ABCA13: variants seen among roughly 807,000 people sequenced by gnomAD.
The protein encoded by ABCA13 is ATP-binding cassette sub-family A member 13.
In ABCA13, 476 loss-of-function variants were observed where a neutral mutation model predicts 478.7. The ratio of observed to expected loss-of-function variants is 0.99; its 90% CI spans 0.92 to 1.07. The LOEUF (loss-of-function observed/expected upper bound fraction) is 1.07, where lower values mean the gene tolerates loss of function less well. ABCA13 is among the 50% of genes least tolerant of loss of function. The probability of loss-of-function intolerance (pLI) is 0.00; values close to 1 mark genes in which losing one functional copy is unlikely to be tolerated. For missense variants in ABCA13, 6,060 were observed against 5,910.6 expected (o/e 1.03, Z -0.83); for synonymous variants, 2,252 against 2,158.9 (o/e 1.04, Z -1.20).
At chr7:48,422,056 A>AG in intron 41 of ABCA13, among the ~76,000 whole-genome samples, 1 of 8,566 alleles carries the variant, frequency 1.2e-4, no homozygotes, top group Non-Finnish European at 2.2e-4. Context: ...TCTTTCTTAC[A>AG]AAAAAAAAAA....
At chr7:48,495,678 CTTTG>C (rs1281480054) in intron 48 of ABCA13, among the ~76,000 whole-genome samples, 1 of 151,962 alleles carries the variant, frequency 6.6e-6, no homozygotes, top group East Asian at 1.9e-4. Flanking sequence ...CAAATTGTGG[CTTTG>C]TTTCTTTTTT....
chr7:48,452,202 T>C (rs1825129888), intron 42 of ABCA13, among the ~76,000 whole-genome samples: 1 of 152,206 alleles, frequency 6.6e-6, no homozygotes, highest in Admixed American at 6.5e-5. Flanking sequence ...CGGGTCAACA[T>C]TACGTTTATT....
chr7:48,505,735 T>G (rs183819283), intron 48 of ABCA13, among the ~76,000 whole-genome samples: 16 of 152,356 alleles, frequency 1.1e-4, no homozygotes, highest in African/African-American at 3.1e-4. Flanking sequence ...GGAAGCACTG[T>G]CCCACTCTGT....
chr7:48,582,614 G>A (rs905770697), intron 56 of ABCA13, among the ~76,000 whole-genome samples: 1 of 152,262 alleles, frequency 6.6e-6, no homozygotes, highest in Non-Finnish European at 1.5e-5. Flanking sequence ...CTTGCGGGGA[G>A]GCTCCTTTGT....
intron 59 of ABCA13, among the ~76,000 whole-genome samples, chr7:48,615,931 C>G (rs965214701): frequency 6.6e-6 from 1 of 152,098 alleles, no homozygotes; most frequent in Non-Finnish European, 1.5e-5. Flanking sequence ...TAATTCTCTT[C>G]ATGTATTTTC....
intron 57 of ABCA13, among the ~76,000 whole-genome samples, chr7:48,588,611 A>G (rs1426621055): frequency 6.6e-6 from 1 of 152,194 alleles, no homozygotes; most frequent in Non-Finnish European, 1.5e-5. Flanking sequence ...TTGGCCTTGT[A>G]TGTTCTATGC....
intron 5 of ABCA13, among the ~76,000 whole-genome samples, chr7:48,224,127 A>C (rs549135450): frequency 6.6e-6 from 1 of 152,218 alleles, no homozygotes; most frequent in African/African-American, 2.4e-5. Context: ...CTGGCTCTCT[A>C]ATTTCTCCCC....
chr7:48,467,249 T>C (rs1826983404), intron 44 of ABCA13, among the ~76,000 whole-genome samples: 1 of 152,212 alleles, frequency 6.6e-6, no homozygotes, highest in South Asian at 2.1e-4. Flanking sequence ...GCTTCATAAT[T>C]ACCCCCTTTC....
intron 41 of ABCA13, among the ~76,000 whole-genome samples, chr7:48,426,557 C>T (rs1193983921): frequency 1.3e-5 from 2 of 152,256 alleles, no homozygotes; most frequent in Middle Eastern, 3.4e-3. Flanking sequence ...ACTTCACTAC[C>T]CAGGGCATTG....
At chr7:48,306,204 C>G (rs1034039549) in intron 23 of ABCA13, among the ~76,000 whole-genome samples, 1 of 152,194 alleles carries the variant, frequency 6.6e-6, no homozygotes, top group African/African-American at 2.4e-5. Context: ...TTCCACATGA[C>G]AGGGTGTGGG....
Position 48,372,169 on chromosome 7 carries a change from A to T in ABCA13, c.10805A>T (p.Tyr3602Phe). The T allele has an allele frequency of 6.2e-7, 1 of 1,611,012 alleles. No individual in the cohort carries two copies. Among genetic ancestry groups the T allele is most frequent in the Non-Finnish European group, 8.5e-7 (1 of 1,177,902 alleles). The change falls in exon 33 of 62, where the codon TAT (tyrosine) becomes TTT (phenylalanine). Residue 3602 changes from tyrosine (Y) to phenylalanine (F), a missense_variant and splice_region_variant. Around this residue, in one of 3 missense-constraint regions of ABCA13, gnomAD observed 4,423 missense variants for 4,309.1 expected, o/e 1.03. Coordinates refer to ENST00000435803, the MANE Select transcript of ABCA13 (RefSeq NM_152701.5). ...TTGGGTTTTTTCTCTTTTTGGTAGTATATGCGGATGATGGGAGTGCATCCA... is the reference window on the plus strand; with the variant it reads ...TTGGGTTTTTTCTCTTTTTGGTAGTTTATGCGGATGATGGGAGTGCATCCA... ...VYEQEIQIEE[Y>F]MRMMGVHPVI...
chr7:48,602,006 C>G (rs1377602622), intron 58 of ABCA13, among the ~76,000 whole-genome samples: 1 of 152,194 alleles, frequency 6.6e-6, no homozygotes, highest in Non-Finnish European at 1.5e-5. Context: ...TGTTTGTTGG[C>G]TGCATAAATG....
rs186526946 is a variant in ABCA13, at chr7:48,279,016, A to C, written c.7822A>C (p.Ile2608Leu). The C allele has an allele frequency of 6.2e-7, 1 of 1,613,360 alleles. No homozygotes were observed. Among genetic ancestry groups the C allele is most frequent in the South Asian group, 1.1e-5 (1 of 91,078 alleles). ...AFEMIGVEPY[I>L]SSNSDIFSMS... Reference sequence around the variant, plus strand: ...TGAAATGATTGGGGTAGAACCTTATATATCATCAAACTCTGATATTTTCAG... The same window carrying C: ...TGAAATGATTGGGGTAGAACCTTATCTATCATCAAACTCTGATATTTTCAG... The change falls in exon 18 of 62, where the codon ATA (isoleucine) becomes CTA (leucine). Residue 2608 changes from isoleucine (I) to leucine (L), a missense_variant. Ile to Leu is a conservative substitution (Grantham distance 5). This residue lies in a region of ABCA13 where 4,423 missense variants were observed against 4,309.1 expected (regional missense o/e 1.03). Transcript: ENST00000435803.
At chr7:48,580,747 GA>G (rs1788626016) in intron 56 of ABCA13, among the ~76,000 whole-genome samples, 2 of 152,150 alleles carry the variant, frequency 1.3e-5, no homozygotes. Context: ...CAGGGCTTGT[GA>G]AAGTGTGGGC....
chr7:48,299,194 G>A (rs577753871), intron 23 of ABCA13, among the ~76,000 whole-genome samples: 106 of 152,282 alleles, frequency 7.0e-4, no homozygotes, highest in African/African-American at 2.3e-3. Flanking sequence ...TTATCTTCCT[G>A]TACAGAGAAC....
At position 48,372,444 on chromosome 7, in the gene ABCA13, A is replaced by G; in HGVS notation, c.11080A>G (p.Ile3694Val). The change falls in exon 33 of 62, where the codon ATA (isoleucine) becomes GTA (valine). Residue 3694 changes from isoleucine to valine, a missense_variant. By Grantham distance (29) the Ile-to-Val change is conservative (BLOSUM62 3). Around this residue, in one of 3 missense-constraint regions of ABCA13, gnomAD observed 4,423 missense variants for 4,309.1 expected, o/e 1.03. Coordinates refer to ENST00000435803, the MANE Select transcript of ABCA13 (RefSeq NM_152701.5). ...LVYMISFLPY[I>V]VLLVLHNQLS... ...GTACATGATCAGCTTTCTGCCCTAC[A>G]TAGTTCTATTGGTTCTACATAACCA... The G allele has an allele frequency of 3.7e-6, 6 of 1,613,240 alleles. No homozygotes were observed. Among genetic ancestry groups the G allele is most frequent in the Non-Finnish European group, 5.1e-6 (6 of 1,179,644 alleles).
chr7:48,536,647 C>CA (rs67382689), intron 55 of ABCA13, among the ~76,000 whole-genome samples: 172 of 131,256 alleles, frequency 1.3e-3, no homozygotes, highest in Middle Eastern at 9.3e-3. Flanking sequence ...GACTCCATCT[C>CA]AAAAAAAAAA....
chr7:48,535,271 T>C (rs1452283971), intron 55 of ABCA13, among the ~76,000 whole-genome samples: 1 of 152,112 alleles, frequency 6.6e-6, no homozygotes, highest in Non-Finnish European at 1.5e-5. Flanking sequence ...TAGTGATTGT[T>C]TTTACCCTTT....
At chr7:48,358,166 AAGGACAGGACAGGAC>A (rs377040023) in intron 31 of ABCA13, among the ~76,000 whole-genome samples, 2 of 135,694 alleles carry the variant, frequency 1.5e-5, no homozygotes, top group Non-Finnish European at 3.1e-5. Context: ...AAAAAAAAGA[AAGGACAGGACAGGAC>A]AGGACAGGAC....
Sources: allele counts gnomAD v4.1 joint callset (sites outside exome capture counted in the v4.1 genomes callset), GRCh38; gene constraint gnomAD v4.1.1; regional missense constraint gnomAD v4.1.1; transcripts MANE v1.5; gene names NCBI Gene and HGNC (gene_info 2026-07-23, HGNC 2026-07-21).